Variants in AXDND1 observed in about 807,000 individuals in gnomAD.
AXDND1 encodes axonemal dynein light chain domain containing 1, also known as axonemal dynein light chain domain-containing protein 1.
AXDND1 carries 110 observed loss-of-function variants against 137.5 expected under a neutral mutation model. That is an observed-to-expected ratio of 0.80 (90% CI 0.69 to 0.94). The LOEUF (loss-of-function observed/expected upper bound fraction) is 0.94, where lower values mean the gene tolerates loss of function less well. Ranked by LOEUF, AXDND1 falls within the 40% of genes least tolerant of loss-of-function variation. AXDND1 has a pLI of 0.00. For missense variants in AXDND1, 1,191 were observed against 1,169.8 expected (o/e 1.02, Z -0.26); for synonymous variants, 414 against 399.7 (o/e 1.04, Z -0.43).
intron 4 of AXDND1, among the ~76,000 whole-genome samples, chr1:179,377,918 A>G (rs1373070268): frequency 1.3e-5 from 2 of 152,180 alleles, no homozygotes; most frequent in Non-Finnish European, 2.9e-5. Flanking sequence ...CATGCCTGTA[A>G]TCCCAGCACT....
rs1392161972 is a variant in AXDND1, at chr1:179,488,007, AAAAAAAAAG to A, written c.2092-3529_2092-3521del. ...TGAGACCATGTCTCAAAAAAAAAAA[AAAAAAAAAG>A]AGAAATTTCAATTCCGTCAATCAGT... On this transcript the variant is annotated intron_variant, in intron 18 of 25. Coordinates refer to ENST00000367618, the MANE Select transcript of AXDND1 (RefSeq NM_144696.6). Among the ~76,000 whole-genome samples the A allele has an allele frequency of 1.6e-4, 21 of 129,824 alleles. 2 individuals carry two copies. The highest frequency in any genetic ancestry group is 3.0e-4 in the Non-Finnish European group (18 of 60,732). The allele number at this position is 129,824 out of a possible 152,430, so 85.2% of individuals were successfully genotyped here. A position where few individuals can be genotyped will look rare whatever the true frequency, so the allele number is the denominator to read the frequency against.
At chr1:179,401,852 A>C (rs1231211840) in intron 11 of AXDND1, among the ~76,000 whole-genome samples, 5 of 152,028 alleles carry the variant, frequency 3.3e-5, no homozygotes, top group Non-Finnish European at 7.4e-5. Context: ...AACTGTGAGT[A>C]CATTAAACCT....
chr1:179,534,881 A>T lies in AXDND1; in HGVS notation c.2950A>T (p.Arg984Ter), dbSNP rs748773326. 29 of 1,602,772 alleles carry T rather than the reference A, an allele frequency of 1.8e-5. No individual in the cohort carries two copies. Among genetic ancestry groups the T allele is most frequent in the Non-Finnish European group, 2.4e-5 (28 of 1,175,434 alleles). Residue 984 changes from arginine (R) to a stop codon, truncating the protein, a stop_gained, in exon 25 of 26, where the codon AGA (arginine) becomes TGA (stop). Transcript: ENST00000367618. LOFTEE classifies it high-confidence loss of function. ...SKEEKENQDE[R>*]EVKEEEEQQE... ...AGAAGAGAAAGAAAATCAAGATGAA[A>T]GAGAAGTAAAAGAAGAAGAAGAACA...
Position 179,491,656 on chromosome 1 carries a change from A to G in AXDND1, c.2210A>G (p.His737Arg), listed in dbSNP as rs1178087713. The part of the protein sequence containing the change: ...LKLEEESAEK[H>R]DIGVARLELD... ...TTGGAGGAGGAAAGTGCTGAGAAAC[A>G]TGATATAGGAGTTGCGCGATTGGAG... Residue 737 changes from histidine to arginine, a missense_variant, in exon 19 of 26, where the codon CAT becomes CGT. Physicochemically the swap from His to Arg is conservative, Grantham distance 29. Transcript: ENST00000367618. The G allele has an allele frequency of 6.2e-7, 1 of 1,613,596 alleles. No individual in the cohort carries two copies. The highest frequency in any genetic ancestry group is 8.5e-7 in the Non-Finnish European group (1 of 1,179,854).
Position 179,534,914 on chromosome 1 carries a change from G to T in AXDND1, c.2983G>T (p.Glu995Ter). ...AAAAGAAGAAGAAGAACAACAAGAA[G>T]AAGAAGAAGTCAGGTCAGCAGAAAA... ...EVKEEEEQQE[E>*]EEVRSAENSS... is the part of the protein sequence containing the mutation. Residue 995 changes from glutamate (E) to a stop codon, truncating the protein, a stop_gained, in exon 25 of 26, where the codon GAA becomes TAA. Coordinates refer to ENST00000367618, the MANE Select transcript of AXDND1 (RefSeq NM_144696.6). LOFTEE classifies it low-confidence loss of function (END_TRUNC). The T allele has an allele frequency of 6.2e-7, 1 of 1,609,886 alleles. No homozygotes were observed. The highest frequency in any genetic ancestry group is 1.3e-5 in the African/African-American group (1 of 74,728).
At chr1:179,445,654 A>C (rs1172440385) in intron 16 of AXDND1, among the ~76,000 whole-genome samples, 1 of 152,112 alleles carries the variant, frequency 6.6e-6, no homozygotes, top group Non-Finnish European at 1.5e-5. Context: ...TAATGTTTTC[A>C]ATGTTCATCC....
intron 25 of AXDND1, among the ~76,000 whole-genome samples, chr1:179,540,313 C>A (rs1350654186): frequency 6.6e-6 from 1 of 152,178 alleles, no homozygotes; most frequent in African/African-American, 2.4e-5. Context: ...GTGCTGGTTT[C>A]TCCCCATCTT....
chr1:179,481,692 T>C (rs1216747993), intron 17 of AXDND1, among the ~76,000 whole-genome samples: 1 of 152,180 alleles, frequency 6.6e-6, no homozygotes, highest in African/African-American at 2.4e-5. Context: ...TGGTGTGAGG[T>C]GGTATCTCAT....
At chr1:179,416,303 G>C (rs937210389) in intron 12 of AXDND1, among the ~76,000 whole-genome samples, 1 of 152,108 alleles carries the variant, frequency 6.6e-6, no homozygotes, top group African/African-American at 2.4e-5. Context: ...TATTCCATTG[G>C]GTTTATATAC....
intron 2 of AXDND1, among the ~76,000 whole-genome samples, chr1:179,368,388 G>A (rs1376281023): frequency 6.6e-6 from 1 of 152,142 alleles, no homozygotes; most frequent in Non-Finnish European, 1.5e-5. Flanking sequence ...TTGAATTCAT[G>A]TAAGAAAAAA....
At chr1:179,497,274 C>A (rs1667536967) in intron 20 of AXDND1, among the ~76,000 whole-genome samples, 2 of 151,990 alleles carry the variant, frequency 1.3e-5, no homozygotes, top group African/African-American at 2.4e-5. Context: ...AGTATTGAAA[C>A]CTTGACTATA....
At position 179,411,141 on chromosome 1, in the gene AXDND1, T is replaced by C. The variant is rs754230621; in HGVS notation, c.1110-5T>C. ...AATGAAGCTGTTTCTTAATTGTTTT[T>C]ATAGAATAGTAGAAGAATATCATGA... On this transcript the variant is annotated splice_polypyrimidine_tract_variant and splice_region_variant and intron_variant, in intron 11 of 25. Transcript: ENST00000367618. 2 of 1,547,224 alleles carry C rather than the reference T, an allele frequency of 1.3e-6. No individual in the cohort carries two copies. Among genetic ancestry groups the C allele is most frequent in the Non-Finnish European group, 1.7e-6 (2 of 1,144,816 alleles).
At chr1:179,448,090 T>C (rs886478392) in intron 16 of AXDND1, 3 of 1,033,334 alleles carry the variant, frequency 2.9e-6, no homozygotes, top group Middle Eastern at 4.4e-4. Context: ...CTGCATCATA[T>C]TATCAAATTC....
chr1:179,522,464 C>T lies in AXDND1; in HGVS notation c.2497-2870C>T, dbSNP rs559472385. Among the ~76,000 whole-genome samples the T allele has an allele frequency of 2.6e-5, 4 of 152,062 alleles. No individual in the cohort carries two copies. In the East Asian group the frequency reaches 5.8e-4, roughly 22 times the overall value. On this transcript the variant is annotated intron_variant, in intron 21 of 25. Transcript: ENST00000367618. ...TGTATCTGTATAAGAATGTTTATTA[C>T]AGCATAGTATAATAGCAAAATACTA...
At chr1:179,439,641 G>A (rs1658696566) in intron 15 of AXDND1, among the ~76,000 whole-genome samples, 1 of 152,150 alleles carries the variant, frequency 6.6e-6, no homozygotes, top group Admixed American at 6.5e-5. Context: ...TGGAATCAGG[G>A]GTTTTTGCCT....
intron 17 of AXDND1, among the ~76,000 whole-genome samples, chr1:179,474,505 C>T (rs1664365053): frequency 6.6e-6 from 1 of 152,142 alleles, no homozygotes; most frequent in Non-Finnish European, 1.5e-5. Flanking sequence ...GAGGTAGTCT[C>T]TGATGGAGAT....
chr1:179,487,988 C>G lies in AXDND1; in HGVS notation c.2092-3550C>G, dbSNP rs1371351591. ...TCCAGCCTGTGAAACAGAGTGAGAC[C>G]ATGTCTCAAAAAAAAAAAAAAAAAA... On this transcript the variant is annotated intron_variant, in intron 18 of 25. Transcript: ENST00000367618. 4.1e-5 allele frequency among the ~76,000 whole-genome samples: 3 copies of G among 73,470 alleles called. 1 individual carries two copies. The highest frequency in any genetic ancestry group is 1.1e-4 in the African/African-American group (2 of 17,834). The allele number at this position is 73,470 out of a possible 152,430, so 48.2% of individuals were successfully genotyped here.
chr1:179,366,633 A>ACC, intron 2 of AXDND1, 27 bp downstream of exon 2: 1 of 1,557,390 alleles, frequency 6.4e-7, no homozygotes, highest in Non-Finnish European at 8.9e-7. Context: ...CTGAAGTCAT[A>ACC]AACAGTCATG....
At chr1:179,463,570 T>A (rs556525677) in intron 16 of AXDND1, among the ~76,000 whole-genome samples, 1 of 152,340 alleles carries the variant, frequency 6.6e-6, no homozygotes, top group South Asian at 2.1e-4. Flanking sequence ...AAGTGCGATG[T>A]GATGCTAAGA....
Sources: gnomAD v4.1 joint callset for allele counts (sites outside exome capture counted in the v4.1 genomes callset) on GRCh38, gnomAD v4.1.1 for gene constraint, MANE v1.5 for transcripts, NCBI Gene and HGNC (gene_info 2026-07-23, HGNC 2026-07-21) for gene names.